CLASP1: variants seen among roughly 807,000 people sequenced by gnomAD.
The protein encoded by CLASP1 is cytoplasmic linker associated protein 1.
In CLASP1, 38 loss-of-function variants were observed where a neutral mutation model predicts 192.3. The ratio of observed to expected loss-of-function variants is 0.20; its 90% CI spans 0.15 to 0.26. The LOEUF is 0.26. Among genes scored for constraint, CLASP1 ranks in the 10% least tolerant of loss-of-function variants. The pLI is 1.00. For synonymous variants in CLASP1, 691 were observed against 712.8 expected, an observed-to-expected ratio of 0.97 and a Z score of 0.49; for missense variants, 1,433 against 1,932.5, an observed-to-expected ratio of 0.74 and a Z score of 4.85.
intron 2 of CLASP1, among the ~76,000 whole-genome samples, chr2:121,562,784 C>T (rs1035784319): frequency 2.6e-5 from 4 of 152,146 alleles, no homozygotes; most frequent in Non-Finnish European, 5.9e-5. Flanking sequence ...TACAGAGAAC[C>T]CTCTCCTGCT....
At chr2:121,553,398 C>T (rs1392940864) in intron 2 of CLASP1, among the ~76,000 whole-genome samples, 1 of 152,000 alleles carries the variant, frequency 6.6e-6, no homozygotes, top group African/African-American at 2.4e-5. Context: ...TAGCAAGGTA[C>T]TGCACTTTTT....
At chr2:121,589,596 C>T (rs1183153677) in intron 2 of CLASP1, among the ~76,000 whole-genome samples, 1 of 150,216 alleles carries the variant, frequency 6.7e-6, no homozygotes, top group Non-Finnish European at 1.5e-5. Context: ...TACCATTGCA[C>T]TCCAGCCTGG....
chr2:121,375,917 C>G (rs2069999657), intron 34 of CLASP1, among the ~76,000 whole-genome samples: 1 of 152,094 alleles, frequency 6.6e-6, no homozygotes, highest in Non-Finnish European at 1.5e-5. Flanking sequence ...AGAAAAAAGG[C>G]ACTTAACATT....
intron 1 of CLASP1, among the ~76,000 whole-genome samples, chr2:121,637,658 G>C (rs1480949673): frequency 6.6e-6 from 1 of 152,164 alleles, no homozygotes; most frequent in Admixed American, 6.6e-5. Context: ...AGCCAAGGCA[G>C]GTGGATCACC....
chr2:121,459,442 C>A, intron 12 of CLASP1, among the ~76,000 whole-genome samples: 1 of 152,142 alleles, frequency 6.6e-6, no homozygotes, highest in Admixed American at 6.5e-5. Context: ...AATATTCAGG[C>A]TTCAAAATCT....
intron 39 of CLASP1, among the ~76,000 whole-genome samples, chr2:121,345,710 C>T (rs2063364953): frequency 1.3e-5 from 2 of 152,166 alleles, no homozygotes; most frequent in African/African-American, 2.4e-5. Flanking sequence ...GCACTGCACA[C>T]CTGCCTCATA....
chr2:121,510,440 A>C (rs752457343), intron 7 of CLASP1, among the ~76,000 whole-genome samples: 8 of 152,246 alleles, frequency 5.3e-5, no homozygotes, highest in Non-Finnish European at 7.3e-5. Flanking sequence ...TAGATAACCA[A>C]GATAAAATGA....
At chr2:121,526,293 T>C (rs1216761661) in intron 5 of CLASP1, among the ~76,000 whole-genome samples, 1 of 152,194 alleles carries the variant, frequency 6.6e-6, no homozygotes, top group Non-Finnish European at 1.5e-5. Context: ...AGGGACCTTG[T>C]TTAATTCTCC....
chr2:121,427,567 G>C, intron 20 of CLASP1, 137 bp from the exon 21 acceptor site: 2 of 805,716 alleles, frequency 2.5e-6, no homozygotes, highest in Middle Eastern at 2.3e-4. Context: ...TATTTCCTAG[G>C]ACTTGTTCCT....
At chr2:121,353,387 TC>T (rs765893116) in intron 37 of CLASP1, among the ~76,000 whole-genome samples, 3 of 152,128 alleles carry the variant, frequency 2.0e-5, no homozygotes, top group Admixed American at 6.5e-5. Context: ...GCCAGCTCCT[TC>T]CCTGGGGTCC....
intron 2 of CLASP1, among the ~76,000 whole-genome samples, chr2:121,592,400 T>C (rs2062512370): frequency 6.6e-6 from 1 of 152,360 alleles, no homozygotes; most frequent in Admixed American, 6.5e-5. Context: ...AAACAATGTA[T>C]GAATATAAAT....
chr2:121,459,089 C>T, intron 12 of CLASP1, 114 bp from the exon 13 acceptor site: 1 of 695,098 alleles, frequency 1.4e-6, no homozygotes, highest in Non-Finnish European at 2.2e-6. Flanking sequence ...GGACAAGGGT[C>T]TGAGATTTCC....
chr2:121,533,628 T>TTA (rs1343671640), intron 2 of CLASP1, among the ~76,000 whole-genome samples: 2 of 152,348 alleles, frequency 1.3e-5, no homozygotes, highest in Non-Finnish European at 2.9e-5. Context: ...TGTTACCTGA[T>TTA]TCTAAAGTCA....
At chr2:121,537,396 A>G (rs1388892135) in intron 2 of CLASP1, among the ~76,000 whole-genome samples, 1 of 147,894 alleles carries the variant, frequency 6.8e-6, no homozygotes, top group African/African-American at 2.5e-5. Context: ...TGTGTCCAAG[A>G]AAAAAAAAAA....
intron 6 of CLASP1, among the ~76,000 whole-genome samples, chr2:121,518,589 C>A (rs971191135): frequency 6.6e-6 from 1 of 151,960 alleles, no homozygotes; most frequent in Non-Finnish European, 1.5e-5. Flanking sequence ...AAAATGCGGT[C>A]GGGCGCGGTG....
intron 9 of CLASP1, among the ~76,000 whole-genome samples, chr2:121,468,022 C>A (rs547880385): frequency 5.3e-5 from 8 of 152,294 alleles, no homozygotes; most frequent in African/African-American, 1.9e-4. Flanking sequence ...TCCAGTTCTC[C>A]CAGCACCATT....
intron 39 of CLASP1, among the ~76,000 whole-genome samples, chr2:121,344,421 T>A (rs1273274792): frequency 6.6e-6 from 1 of 151,932 alleles, no homozygotes; most frequent in African/African-American, 2.4e-5. Flanking sequence ...AACCTCCACC[T>A]CCCAGGTTCA....
At chr2:121,384,167 T>TACAC (rs1237500141) in intron 32 of CLASP1, among the ~76,000 whole-genome samples, 1 of 142,036 alleles carries the variant, frequency 7.0e-6, no homozygotes, top group African/African-American at 3.0e-5. Context: ...CATATATATA[T>TACAC]ATACACACAC....
intron 39 of CLASP1, among the ~76,000 whole-genome samples, chr2:121,342,208 A>T (rs1553445347): frequency 6.6e-6 from 1 of 151,838 alleles, no homozygotes; most frequent in Non-Finnish European, 1.5e-5. Flanking sequence ...TGCAGCCTTG[A>T]CCTTCCAGGA....
Sources: gnomAD v4.1 joint callset for allele counts (sites outside exome capture counted in the v4.1 genomes callset) on GRCh38, gnomAD v4.1.1 for gene constraint, MANE v1.5 for transcripts, NCBI Gene and HGNC (gene_info 2026-07-23, HGNC 2026-07-21) for gene names.